Variants in GTF2I observed in about 807,000 individuals in gnomAD.
The protein encoded by GTF2I is general transcription factor IIi, also known as general transcription factor II-I.
GTF2I carries 12 observed loss-of-function variants against 67.6 expected under a neutral mutation model. The ratio of observed to expected loss-of-function variants is 0.18; its 90% CI spans 0.11 to 0.29. GTF2I has a LOEUF of 0.29. Ranked by LOEUF, GTF2I falls within the 10% of genes least tolerant of loss-of-function variation. The pLI is 1.00. For synonymous variants in GTF2I, 149 were observed against 197.0 expected (o/e 0.76, Z 2.04); for missense variants, 271 against 580.1 (o/e 0.47, Z 5.47).
intron 14 of GTF2I, among the ~76,000 whole-genome samples, chr7:74,730,921 T>G (rs1351024071): frequency 7.5e-6 from 1 of 132,982 alleles, no homozygotes; most frequent in Non-Finnish European, 1.6e-5. Context: ...TGGCCAGGCT[T>G]GTCTCAAACT....
chr7:74,719,050 G>T, intron 12 of GTF2I, 109 bp downstream of exon 12: 1 of 608,368 alleles, frequency 1.6e-6, no homozygotes, highest in Non-Finnish European at 2.8e-6. Flanking sequence ...GGAGACTTGT[G>T]GGACGAATAC....
At chr7:74,725,626 C>T (rs1317846937) in intron 12 of GTF2I, among the ~76,000 whole-genome samples, 3 of 151,900 alleles carry the variant, frequency 2.0e-5, no homozygotes, top group South Asian at 2.1e-4. Context: ...CCTGGGAAGT[C>T]GAGGCTGCAG....
intron 1 of GTF2I, among the ~76,000 whole-genome samples, chr7:74,671,392 TTTTC>T (rs1426888918): frequency 6.6e-6 from 1 of 151,966 alleles, no homozygotes; most frequent in African/African-American, 2.4e-5. Flanking sequence ...TGGCTAGATC[TTTTC>T]TTTATTATTT....
chr7:74,679,356 G>A (rs587616712), intron 1 of GTF2I, among the ~76,000 whole-genome samples: 6 of 152,192 alleles, frequency 3.9e-5, no homozygotes, highest in South Asian at 2.1e-4. Context: ...GATTACAGGC[G>A]TGAGCCGCTG....
intron 4 of GTF2I, chr7:74,699,766 T>C (rs1789481983): frequency 6.4e-6 from 1 of 156,292 alleles, no homozygotes; most frequent in South Asian, 1.9e-4. Context: ...GGAATGGGAT[T>C]TTCAGTATGT....
intron 1 of GTF2I, among the ~76,000 whole-genome samples, chr7:74,666,152 C>CAGTT (rs1554388429): frequency 2.0e-5 from 3 of 152,130 alleles, no homozygotes; most frequent in Non-Finnish European, 4.4e-5. Context: ...CAGAGCTTGA[C>CAGTT]AGTTGGATTG....
intron 3 of GTF2I, among the ~76,000 whole-genome samples, chr7:74,697,141 T>C (rs1012329859): frequency 1.2e-4 from 19 of 152,128 alleles, no homozygotes; most frequent in Non-Finnish European, 2.6e-4. Context: ...CTCATGCCTG[T>C]AATCCCAGCA....
chr7:74,721,622 C>T (rs1413232502), intron 12 of GTF2I, among the ~76,000 whole-genome samples: 1 of 151,884 alleles, frequency 6.6e-6, no homozygotes, highest in Non-Finnish European at 1.5e-5. Flanking sequence ...AAAACTGTCT[C>T]AATATTAACA....
Position 74,697,021 on chromosome 7 carries a change from TAAAG to T in GTF2I, c.239-1936_239-1933del, listed in dbSNP as rs587656183. On this transcript the variant is annotated intron_variant, in intron 3 of 34. Coordinates refer to ENST00000573035, the MANE Select transcript of GTF2I (RefSeq NM_032999.4). ...TTCTAGTTAGAACATTAAAGAAAAA[TAAAG>T]AAAAACAAGTGAAATTCATTTTACT... Among the ~76,000 whole-genome samples, 102 of 148,994 alleles carry T rather than the reference TAAAG, an allele frequency of 6.8e-4. No individual in the cohort carries two copies. The Middle Eastern group carries it at 0.01, about 15-fold the overall frequency.
chr7:74,701,130 G>A (rs1345307505), intron 6 of GTF2I, among the ~76,000 whole-genome samples: 9 of 152,342 alleles, frequency 5.9e-5, no homozygotes, highest in African/African-American at 2.2e-4. Context: ...GTTCAGGAAA[G>A]AGTTCATGAG....
At chr7:74,688,634 ATTATAAAGAATC>A (rs1787959552) in intron 1 of GTF2I, among the ~76,000 whole-genome samples, 1 of 152,076 alleles carries the variant, frequency 6.6e-6, no homozygotes, top group Admixed American at 6.6e-5. Context: ...AATATGCTGT[ATTATAAAGAATC>A]TTACATGTTA....
intron 2 of GTF2I, among the ~76,000 whole-genome samples, chr7:74,690,399 G>A (rs1206487462): frequency 6.6e-6 from 1 of 152,072 alleles, no homozygotes; most frequent in Non-Finnish European, 1.5e-5. Context: ...ATTTAATCTC[G>A]TAGAAATATG....
At chr7:74,747,861 T>C (rs1178476885) in intron 23 of GTF2I, among the ~76,000 whole-genome samples, 154 bp from the exon 24 acceptor site, 1 of 109,710 alleles carries the variant, frequency 9.1e-6, no homozygotes, top group South Asian at 3.4e-4. Context: ...AATAGAAAAA[T>C]GGTTTCTGTG....
intron 1 of GTF2I, among the ~76,000 whole-genome samples, chr7:74,684,292 G>T (rs1445848794): frequency 1.3e-5 from 2 of 152,192 alleles, no homozygotes; most frequent in African/African-American, 2.4e-5. Flanking sequence ...TCATAAAAGG[G>T]ATTGAGCATT....
chr7:74,723,392 G>A lies in GTF2I; in HGVS notation c.943+4451G>A, dbSNP rs1050233875. 2.9e-5 allele frequency among the ~76,000 whole-genome samples: 4 copies of A among 138,786 alleles called. No homozygotes were observed. The Admixed American group carries it at 3.0e-4, about 10-fold the overall frequency. The allele number at this position is 138,786 out of a possible 152,430, so 91.0% of individuals were successfully genotyped here. On this transcript the variant is annotated intron_variant, in intron 12 of 34. Coordinates refer to ENST00000573035, the MANE Select transcript of GTF2I (RefSeq NM_032999.4). Reference sequence around the variant, plus strand: ...TCCGCCCACCTCACCCTCCCAAAGAGCTGGGATTACAGGCATAAGCCACCG... The same window carrying A: ...TCCGCCCACCTCACCCTCCCAAAGAACTGGGATTACAGGCATAAGCCACCG...
intron 1 of GTF2I, among the ~76,000 whole-genome samples, chr7:74,680,146 A>G (rs1166236383): frequency 1.4e-5 from 2 of 142,978 alleles, no homozygotes; most frequent in African/African-American, 2.6e-5. Flanking sequence ...ACACATATAT[A>G]TATGTATGTA....
chr7:74,659,883 G>C (rs587734470), intron 1 of GTF2I, among the ~76,000 whole-genome samples: 1 of 152,144 alleles, frequency 6.6e-6, no homozygotes, highest in African/African-American at 2.4e-5. Context: ...ACAATGGCTT[G>C]ATCAGCCAAC....
chr7:74,700,083 C>A, intron 4 of GTF2I, 164 bp from the exon 5 acceptor site: 1 of 706,644 alleles, frequency 1.4e-6, no homozygotes, highest in Non-Finnish European at 2.3e-6. Flanking sequence ...AGGTTTAGAC[C>A]TTCTGCTGAC....
chr7:74,677,096 C>A (rs1260909106), intron 1 of GTF2I, among the ~76,000 whole-genome samples: 5 of 151,938 alleles, frequency 3.3e-5, no homozygotes, highest in Non-Finnish European at 1.5e-5. Context: ...ACCGAAAAAA[C>A]CCCAACAGTT....
Sources: allele counts gnomAD v4.1 joint callset (sites outside exome capture counted in the v4.1 genomes callset), GRCh38; gene constraint gnomAD v4.1.1; transcripts MANE v1.5; gene names NCBI Gene and HGNC (gene_info 2026-07-23, HGNC 2026-07-21).